The following UPRT variants were observed in gnomAD, a reference collection of about 807,000 sequenced individuals.
The protein encoded by UPRT is uracil phosphoribosyltransferase homolog, also known as RP11-311P8.3.
UPRT carries 5 observed loss-of-function variants against 22.6 expected under a neutral mutation model. The ratio of observed to expected loss-of-function variants is 0.22; its 90% CI spans 0.12 to 0.47. The LOEUF (loss-of-function observed/expected upper bound fraction) is 0.47, where lower values mean the gene tolerates loss of function less well. UPRT is among the 20% of genes least tolerant of loss of function. The probability of loss-of-function intolerance (pLI) is 0.99; values close to 1 mark genes in which losing one functional copy is unlikely to be tolerated. For missense variants in UPRT, 181 were observed against 239.9 expected, an observed-to-expected ratio of 0.75 and a Z score of 1.62; for synonymous variants, 77 against 87.7, an observed-to-expected ratio of 0.88 and a Z score of 0.68.
At chrX:75,209,239 G>A (rs776039108) in intron 4 of UPRT, among the ~76,000 whole-genome samples, 28 of 111,435 alleles carry the variant, frequency 2.5e-4, no homozygotes, top group Non-Finnish European at 4.7e-4. Context: ...ACCAGAGACC[G>A]ACAGCATTAC....
intron 4 of UPRT, chrX:75,201,498 C>CCAT (rs2082347128): frequency 7.5e-6 from 1 of 132,655 alleles, no homozygotes; most frequent in African/African-American, 3.2e-5. Flanking sequence ...TCTCTGTTGC[C>CCAT]CATCTTCAGG....
At chrX:75,174,820 G>A (rs899742896) in intron 4 of UPRT, among the ~76,000 whole-genome samples, 7 of 112,266 alleles carry the variant, frequency 6.2e-5, no homozygotes, top group Non-Finnish European at 1.3e-4. Context: ...TGCCTTGGCT[G>A]TGTAGATAGA....
At chrX:75,194,811 T>C (rs1384836842) in intron 4 of UPRT, among the ~76,000 whole-genome samples, 1 of 111,148 alleles carries the variant, frequency 9.0e-6, no homozygotes, top group Non-Finnish European at 1.9e-5. Flanking sequence ...TTGTGCACGT[T>C]CATGCAGGCA....
chrX:75,236,835 C>T (rs1411529429), intron 4 of UPRT, among the ~76,000 whole-genome samples: 1 of 112,253 alleles, frequency 8.9e-6, no homozygotes, highest in Non-Finnish European at 1.9e-5. Context: ...TGACCTAAAA[C>T]CATAGAAACC....
chrX:75,185,384 G>T (rs905058114), intron 4 of UPRT, among the ~76,000 whole-genome samples: 1 of 111,937 alleles, frequency 8.9e-6, no homozygotes, highest in African/African-American at 3.3e-5. Context: ...CTTGATCATG[G>T]TGGATAAGCT....
intron 4 of UPRT, among the ~76,000 whole-genome samples, chrX:75,242,406 C>T (rs2082491141): frequency 1.8e-5 from 2 of 110,521 alleles, no homozygotes; most frequent in South Asian, 7.8e-4. Context: ...TTCCCTTTCC[C>T]AGCTATACAG....
upstream of UPRT, chrX:75,273,961 G>A (rs771604956): frequency 3.7e-4 from 102 of 274,903 alleles, 3 homozygotes; most frequent in Admixed American, 6.2e-3. Context: ...TTAGCTACCT[G>A]TGGGAACCCA....
At chrX:75,202,327 G>T (rs192598345) in intron 4 of UPRT, among the ~76,000 whole-genome samples, 1 of 111,128 alleles carries the variant, frequency 9.0e-6, no homozygotes, top group African/African-American at 3.3e-5. Flanking sequence ...TGTGCCCGGC[G>T]TGCTGGCTCA....
intron 4 of UPRT, among the ~76,000 whole-genome samples, chrX:75,265,652 G>C (rs191896105): frequency 8.9e-6 from 1 of 111,983 alleles, no homozygotes; most frequent in East Asian, 2.8e-4. Context: ...GGAGTAGTTT[G>C]ATCATCTGAA....
intron 4 of UPRT, among the ~76,000 whole-genome samples, chrX:75,232,063 C>A (rs1282970001): frequency 2.7e-5 from 3 of 110,610 alleles, no homozygotes; most frequent in African/African-American, 9.9e-5. Flanking sequence ...AGACAGTGGG[C>A]GCAGGTCAGT....
chrX:75,192,181 A>G (rs1358913691), intron 4 of UPRT, among the ~76,000 whole-genome samples: 1 of 111,741 alleles, frequency 8.9e-6, no homozygotes, highest in Admixed American at 9.5e-5. Context: ...TATCAGTTTC[A>G]AAGAACTTGA....
Position 75,303,490 on chromosome X carries a change from G to A in UPRT, c.909G>A (p.Gln303=), listed in dbSNP as rs368001336. The A allele has an allele frequency of 2.5e-6, 3 of 1,193,849 alleles. No homozygotes were observed. In the Admixed American group the frequency reaches 6.7e-5, roughly 27 times the overall value. ...VHPVAPTHFG[Q]KYFGTD is the part of the protein sequence containing the mutation. ...CTGTTGCACCTACACATTTTGGACA[G>A]AAATACTTTGGAACAGACTAAGTTA... Residue 303 remains glutamine (Q), a synonymous_variant, in exon 7 of 7, where the codon CAG becomes CAA. Transcript: ENST00000373383.
In UPRT at chrX:75,265,995, G is replaced by A. The variant is rs192085264; in HGVS notation, c.-446-25029G>A. ...CTCATGGGTAGGAAGAATCAATATT[G>A]TGAAAATGGCCATACTGCCCAAGGT... is the stretch of plus-strand genomic sequence containing the variant. On this transcript the variant is annotated intron_variant, in intron 4 of 13. Transcript: ENST00000652605. Among the ~76,000 whole-genome samples the A allele has an allele frequency of 3.6e-3, 405 of 111,248 alleles. 3 individuals carry two copies. The highest frequency in any genetic ancestry group is 0.013 in the African/African-American group (387 of 30,627).
intron 1 of UPRT, among the ~76,000 whole-genome samples, chrX:75,287,136 T>C (rs2082685460): frequency 9.0e-6 from 1 of 111,474 alleles, no homozygotes; most frequent in East Asian, 2.8e-4. Flanking sequence ...CGTATGTATA[T>C]GTAGTTGTTA....
rs146037209 is a variant in UPRT, at chrX:75,236,528, G to A, written c.-446-54496G>A. 9.6e-3 allele frequency among the ~76,000 whole-genome samples: 1,068 copies of A among 111,387 alleles called. 13 individuals are homozygous for A. Among genetic ancestry groups the A allele is most frequent in the Middle Eastern group, 0.018 (4 of 217 alleles). ...CCAAAAGAACAAAGCTGGAGGTATCGCACTACCTGACTTCAAACTATACTA... is the reference window on the plus strand; with the variant it reads ...CCAAAAGAACAAAGCTGGAGGTATCACACTACCTGACTTCAAACTATACTA... On this transcript the variant is annotated intron_variant, in intron 4 of 13. Transcript: ENST00000652605.
intron 4 of UPRT, among the ~76,000 whole-genome samples, chrX:75,203,674 G>C (rs1004217742): frequency 1.8e-5 from 2 of 110,502 alleles, no homozygotes; most frequent in Non-Finnish European, 3.8e-5. Flanking sequence ...CAGGGTCTGG[G>C]GGGGCATGGG....
chrX:75,232,029 G>A (rs777742799), intron 4 of UPRT, among the ~76,000 whole-genome samples: 4 of 111,617 alleles, frequency 3.6e-5, no homozygotes, highest in South Asian at 3.8e-4. Flanking sequence ...CTGAGGTACC[G>A]GGTTCATCTC....
chrX:75,201,959 G>T (rs1242728515), intron 4 of UPRT, among the ~76,000 whole-genome samples: 3 of 111,387 alleles, frequency 2.7e-5, no homozygotes, highest in African/African-American at 9.8e-5. Context: ...GCTGTGATTT[G>T]TAAAAATAAA....
intron 4 of UPRT, 172 bp downstream of exon 4, chrX:75,297,725 G>C (rs2082730885): frequency 1.9e-6 from 1 of 536,805 alleles, no homozygotes; most frequent in East Asian, 3.7e-5. Flanking sequence ...TGTGAGGCTA[G>C]GTTTGGCTAA....
Sources: gnomAD v4.1 joint callset for allele counts (sites outside exome capture counted in the v4.1 genomes callset) on GRCh38, gnomAD v4.1.1 for gene constraint, MANE v1.5 for transcripts, NCBI Gene and HGNC (gene_info 2026-07-23, HGNC 2026-07-21) for gene names.